Variants in FUBP3 observed in about 807,000 individuals in gnomAD.
The protein encoded by FUBP3 is far upstream element binding protein 3.
In FUBP3, 28 loss-of-function variants were observed where a neutral mutation model predicts 85.6. That is an observed-to-expected ratio of 0.33 (90% CI 0.24 to 0.45). FUBP3 has a LOEUF of 0.45. FUBP3 is among the 20% of genes least tolerant of loss of function. FUBP3 has a pLI of 1.00. For missense variants in FUBP3, 583 were observed against 755.1 expected (o/e 0.77, Z 2.67); for synonymous variants, 271 against 271.4 (o/e 1.00, Z 0.01).
intron 2 of FUBP3, among the ~76,000 whole-genome samples, chr9:130,600,144 C>CT (rs1831085245): frequency 7.3e-6 from 1 of 136,626 alleles, no homozygotes; most frequent in East Asian, 2.5e-4. Flanking sequence ...CCTCTTTTCC[C>CT]TTTTTCACAC....
At chr9:130,622,872 A>AG in intron 10 of FUBP3, 62 bp downstream of exon 10, 1 of 811,420 alleles carries the variant, frequency 1.2e-6, no homozygotes, top group South Asian at 1.9e-5. Flanking sequence ...TAGTGTTAAA[A>AG]GGATGATAAA....
At chr9:130,610,068 A>T in intron 3 of FUBP3, 81 bp downstream of exon 3, 1 of 1,125,942 alleles carries the variant, frequency 8.9e-7, no homozygotes, top group Non-Finnish European at 1.3e-6. Context: ...GAGTGCTAGA[A>T]AGTCAGAGGT....
chr9:130,587,073 T>G (rs1410346934), intron 1 of FUBP3, among the ~76,000 whole-genome samples: 4 of 126,198 alleles, frequency 3.2e-5, no homozygotes, highest in East Asian at 2.3e-4. Flanking sequence ...TTTTTGTTTG[T>G]TTGTTTTTTT....
Position 130,611,035 on chromosome 9 carries a change from C to T in FUBP3, c.224+1048C>T, listed in dbSNP as rs548016843. Among the ~76,000 whole-genome samples the T allele has an allele frequency of 5.9e-5, 9 of 152,268 alleles. No homozygotes were observed. In the East Asian group the frequency reaches 1.5e-3, roughly 26 times the overall value. ...TGCATTTAGATTAGAACGTTTTCTT[C>T]CTGGAAACCCAGAGCAGTTCGTCTT... On this transcript the variant is annotated intron_variant, in intron 3 of 18. Transcript: ENST00000319725.
At chr9:130,604,935 A>G (rs1469830307) in intron 2 of FUBP3, among the ~76,000 whole-genome samples, 3 of 152,036 alleles carry the variant, frequency 2.0e-5, no homozygotes, top group African/African-American at 4.8e-5. Context: ...ACCACTCCCA[A>G]TGTGAGAAAA....
intron 9 of FUBP3, among the ~76,000 whole-genome samples, chr9:130,622,200 T>C (rs1829780721): frequency 6.6e-6 from 1 of 150,518 alleles, no homozygotes; most frequent in Non-Finnish European, 1.5e-5. Flanking sequence ...GGCGGGTGCC[T>C]GTAATCCTAG....
At chr9:130,598,031 G>T (rs1830955555) in intron 2 of FUBP3, among the ~76,000 whole-genome samples, 1 of 152,142 alleles carries the variant, frequency 6.6e-6, no homozygotes. Flanking sequence ...AAAAAATATG[G>T]TTATCAAAAC....
intron 12 of FUBP3, among the ~76,000 whole-genome samples, chr9:130,628,753 GTTTCTATTCT>G (rs1178800922): frequency 6.8e-6 from 1 of 147,558 alleles, no homozygotes; most frequent in Non-Finnish European, 1.5e-5. Context: ...CTCCATTTTG[GTTTCTATTCT>G]TTTTTATTTT....
Position 130,579,712 on chromosome 9 carries a change from C to T in FUBP3, c.32C>T (p.Pro11Leu), listed in dbSNP as rs1223401872. ...GAGCTGGTGCAGGGGCAGAGCGCTCCTGTGGGGATGAAGGCCGAGGGCTTC... is the reference window on the plus strand; with the variant it reads ...GAGCTGGTGCAGGGGCAGAGCGCTCTTGTGGGGATGAAGGCCGAGGGCTTC... MAELVQGQSA[P>L]VGMKAEGFVD... Residue 11 changes from proline to leucine, a missense_variant, in exon 1 of 19, where the codon CCT becomes CTT. Pro to Leu is a moderately conservative substitution (Grantham distance 98). This residue lies in a region of FUBP3 where 177 missense variants were observed against 221.9 expected (regional missense o/e 0.80). Coordinates refer to ENST00000319725, the MANE Select transcript of FUBP3 (RefSeq NM_003934.2). 5 of 1,274,070 alleles carry T rather than the reference C, an allele frequency of 3.9e-6. No homozygotes were observed. The highest frequency in any genetic ancestry group is 5.0e-6 in the Non-Finnish European group (5 of 1,006,918). 78.9% of individuals were successfully genotyped at this position (1,274,070 alleles called of 1,614,324 possible). A position where few individuals can be genotyped will look rare whatever the true frequency, so the allele number is the denominator to read the frequency against.
intron 12 of FUBP3, among the ~76,000 whole-genome samples, chr9:130,630,125 T>A (rs1348728604): frequency 6.6e-6 from 1 of 152,202 alleles, no homozygotes; most frequent in African/African-American, 2.4e-5. Flanking sequence ...CCGAGTGGGC[T>A]CCAGGCATGG....
At chr9:130,597,665 C>T (rs1221038524) in intron 2 of FUBP3, among the ~76,000 whole-genome samples, 1 of 149,172 alleles carries the variant, frequency 6.7e-6, no homozygotes, top group South Asian at 2.1e-4. Flanking sequence ...CAAAAAGGGG[C>T]TGTGGCAGTC....
At position 130,631,559 on chromosome 9, in the gene FUBP3, G is replaced by A. The variant is rs777568195; in HGVS notation, c.1281G>A (p.Gly427=). ...ARQLIDEKVG[G]TNLGAPGAFG... is the part of the protein sequence containing the mutation. ...GAGCTCCCTCTGTGCCCCCACAGGGGACCAATCTCGGAGCACCTGGAGCCT... is the reference window on the plus strand; with the variant it reads ...GAGCTCCCTCTGTGCCCCCACAGGGAACCAATCTCGGAGCACCTGGAGCCT... The change falls in exon 14 of 19, where the codon GGG becomes GGA. Residue 427 remains glycine (G), a splice_region_variant and synonymous_variant. Coordinates refer to ENST00000319725, the MANE Select transcript of FUBP3 (RefSeq NM_003934.2). 2.2e-5 allele frequency: 36 copies of A among 1,613,398 alleles called. No homozygotes were observed. In the Admixed American group the frequency reaches 5.3e-4, roughly 24 times the overall value.
In FUBP3 at chr9:130,638,220, C is replaced by G. The variant is rs994944629; in HGVS notation, c.*1198C>G. ...TTCTTATAATGCTTGAAATGTCTAA[C>G]TATTAAAAAAGACAATTGGAAAATG... On this transcript the variant is annotated 3_prime_UTR_variant, in exon 19 of 19. Coordinates refer to ENST00000319725, the MANE Select transcript of FUBP3 (RefSeq NM_003934.2). 4 of 152,522 alleles carry G rather than the reference C, an allele frequency of 2.6e-5. No individual in the cohort carries two copies. The highest frequency in any genetic ancestry group is 9.7e-5 in the African/African-American group (4 of 41,404). The allele number at this position is 152,522 out of a possible 1,614,324, so 9.4% of individuals were successfully genotyped here.
intron 1 of FUBP3, among the ~76,000 whole-genome samples, chr9:130,590,021 ATTTTTTTTT>A (rs60878897): frequency 2.2e-4 from 10 of 45,968 alleles, no homozygotes; most frequent in South Asian, 1.5e-3. Context: ...GGCCTATTTA[ATTTTTTTTT>A]TTTTTTTTTT....
intron 1 of FUBP3, among the ~76,000 whole-genome samples, chr9:130,589,679 A>ATG: frequency 4.4e-5 from 1 of 22,670 alleles, no homozygotes; most frequent in Non-Finnish European, 7.3e-5. Context: ...GTGTGTGTAT[A>ATG]TATATATATA....
intron 2 of FUBP3, among the ~76,000 whole-genome samples, chr9:130,608,764 C>T (rs1456896387): frequency 2.6e-5 from 4 of 152,148 alleles, no homozygotes; most frequent in East Asian, 1.9e-4. Flanking sequence ...GACTTAGTAG[C>T]TTCGTTTGCT....
chr9:130,608,141 A>G (rs185061974), intron 2 of FUBP3, among the ~76,000 whole-genome samples: 1 of 152,314 alleles, frequency 6.6e-6, no homozygotes, highest in East Asian at 1.9e-4. Flanking sequence ...TTTCTGGCTG[A>G]GACAGAAATT....
chr9:130,603,523 T>C (rs757097122), intron 2 of FUBP3, among the ~76,000 whole-genome samples: 6 of 152,130 alleles, frequency 3.9e-5, no homozygotes, highest in Non-Finnish European at 5.9e-5. Context: ...AGAAGTGAGA[T>C]GATACTCACA....
In FUBP3 at chr9:130,637,075, T is replaced by TA. The variant is rs1830447270; in HGVS notation, c.*54dup. Reference sequence around the variant, plus strand: ...CTCAAAATCATTGTCAAAGAAAACCTATTTGTAACAGAGGTTTTTACATTT... The same window carrying TA: ...CTCAAAATCATTGTCAAAGAAAACCTAATTTGTAACAGAGGTTTTTACATTT... On this transcript the variant is annotated 3_prime_UTR_variant, in exon 19 of 19. Coordinates refer to ENST00000319725, the MANE Select transcript of FUBP3 (RefSeq NM_003934.2). 2.0e-6 allele frequency: 3 copies of TA among 1,481,522 alleles called. No homozygotes were observed. The Admixed American group carries it at 5.0e-5, about 25-fold the overall frequency. 91.8% of individuals were successfully genotyped at this position (1,481,522 alleles called of 1,614,324 possible).
Sources: gnomAD v4.1 joint callset for allele counts (sites outside exome capture counted in the v4.1 genomes callset) on GRCh38, gnomAD v4.1.1 for gene constraint, gnomAD v4.1.1 regional missense constraint, MANE v1.5 for transcripts, NCBI Gene and HGNC (gene_info 2026-07-23, HGNC 2026-07-21) for gene names.